GNG12: variants seen among roughly 807,000 people sequenced by gnomAD.
The protein encoded by GNG12 is guanine nucleotide-binding protein G(I)/G(S)/G(O) subunit gamma-12.
For missense variants in GNG12, 69 were observed against 83.8 expected (o/e 0.82, Z 0.69); for synonymous variants, 28 against 29.7 (o/e 0.94, Z 0.19).
chr1:67,818,014 T>C (rs993241367), intron 1 of GNG12, among the ~76,000 whole-genome samples: 1 of 152,142 alleles, frequency 6.6e-6, no homozygotes, highest in Non-Finnish European at 1.5e-5. Flanking sequence ...CTCAAACTCC[T>C]GGGCTCAAGC....
intron 1 of GNG12, among the ~76,000 whole-genome samples, chr1:67,819,742 C>A (rs914426862): frequency 3.3e-5 from 5 of 152,212 alleles, no homozygotes; most frequent in African/African-American, 1.2e-4. Flanking sequence ...TCTTTACACT[C>A]CTACCACAGG....
chr1:67,711,067 C>T (rs1452357757), intron 2 of GNG12, among the ~76,000 whole-genome samples: 1 of 151,546 alleles, frequency 6.6e-6, no homozygotes, highest in Non-Finnish European at 1.5e-5. Flanking sequence ...AAAGTCCCTT[C>T]TCATCTGCTG....
chr1:67,718,587 C>T (rs11576744), intron 2 of GNG12, among the ~76,000 whole-genome samples: 65,215 of 150,714 alleles, frequency 0.43, 15,871 homozygotes, highest in South Asian at 0.56. Context: ...TGACAACCCA[C>T]CCCCACCCCC....
chr1:67,829,001 ATTTT>A (rs550375244), intron 1 of GNG12, among the ~76,000 whole-genome samples: 1 of 152,006 alleles, frequency 6.6e-6, no homozygotes. Flanking sequence ...TATTACGCAA[ATTTT>A]TTTTAGTATT....
At chr1:67,827,448 TG>T (rs1468771478) in intron 1 of GNG12, among the ~76,000 whole-genome samples, 6 of 151,730 alleles carry the variant, frequency 4.0e-5, no homozygotes, top group African/African-American at 7.3e-5. Context: ...TTTTTTAAGA[TG>T]GCATCTTGCT....
rs111278927 is a variant in GNG12 at position 67,760,991 on chromosome 1, T to C, written c.-27+16467A>G. 7.1e-3 allele frequency among the ~76,000 whole-genome samples: 1,080 copies of C among 152,298 alleles called. 12 individuals are homozygous for C. Among genetic ancestry groups the C allele is most frequent in the African/African-American group, 0.025 (1,026 of 41,550 alleles). On this transcript the variant is annotated intron_variant, in intron 2 of 3. Coordinates refer to ENST00000370982, the MANE Select transcript of GNG12 (RefSeq NM_018841.6). ...GCTTTGAAAATGTGCAGGAGAACAT[T>C]TAAGTTGTGGGTAACAAACAGGGCT...
In GNG12 at chr1:67,705,386, CTCT is replaced by C. The variant is rs1570470397; in HGVS notation, c.*62_*64del. 3 of 1,579,422 alleles carry C rather than the reference CTCT, an allele frequency of 1.9e-6. No homozygotes were observed. The East Asian group carries it at 6.8e-5, about 36-fold the overall frequency. ...GTTACCAAATAAGCTGAAGGTAAAT[CTCT>C]TCAAGGAGCTGCTCATAATTTGCGT... On this transcript the variant is annotated 3_prime_UTR_variant, in exon 4 of 4. Coordinates refer to ENST00000370982, the MANE Select transcript of GNG12 (RefSeq NM_018841.6).
At chr1:67,718,531 G>C (rs1646339328) in intron 2 of GNG12, among the ~76,000 whole-genome samples, 2 of 152,166 alleles carry the variant, frequency 1.3e-5, no homozygotes, top group Admixed American at 1.3e-4. Context: ...TTACTAGACA[G>C]TGTGACCTGA....
chr1:67,709,034 C>T (rs1381169479), intron 2 of GNG12, among the ~76,000 whole-genome samples: 24 of 152,214 alleles, frequency 1.6e-4, no homozygotes, highest in Admixed American at 1.4e-3. Flanking sequence ...TCCCAAAGGC[C>T]GAGTTCTACG....
intron 2 of GNG12, among the ~76,000 whole-genome samples, chr1:67,732,994 C>T (rs574880900): frequency 1.3e-5 from 2 of 152,292 alleles, no homozygotes; most frequent in South Asian, 2.1e-4. Flanking sequence ...GTGGCTTACC[C>T]GAGGGAGGGC....
chr1:67,732,785 G>A (rs946961387), intron 2 of GNG12, among the ~76,000 whole-genome samples: 13 of 152,190 alleles, frequency 8.5e-5, no homozygotes, highest in Non-Finnish European at 1.8e-4. Flanking sequence ...ACCCTCAGAC[G>A]AGGCTCTCTC....
At chr1:67,758,183 A>T (rs947968863) in intron 2 of GNG12, among the ~76,000 whole-genome samples, 1 of 152,190 alleles carries the variant, frequency 6.6e-6, no homozygotes, top group Non-Finnish European at 1.5e-5. Flanking sequence ...CATGTTGGCC[A>T]GGCTGGTCTC....
chr1:67,807,510 G>C (rs1646900572), intron 1 of GNG12, among the ~76,000 whole-genome samples: 1 of 150,550 alleles, frequency 6.6e-6, no homozygotes, highest in East Asian at 2.0e-4. Context: ...AAAAAAAATT[G>C]AGAAAAATCA....
intron 1 of GNG12, among the ~76,000 whole-genome samples, chr1:67,786,371 C>G (rs1237051867): frequency 6.6e-6 from 1 of 151,854 alleles, no homozygotes; most frequent in Non-Finnish European, 1.5e-5. Flanking sequence ...AAATTAAGAC[C>G]TAACACTAAA....
chr1:67,809,535 T>G (rs1646911756), intron 1 of GNG12, among the ~76,000 whole-genome samples: 1 of 152,154 alleles, frequency 6.6e-6, no homozygotes, highest in African/African-American at 2.4e-5. Context: ...ACACTTCTGA[T>G]AAAGGACTGT....
At chr1:67,815,219 C>G (rs1186383335) in intron 1 of GNG12, among the ~76,000 whole-genome samples, 2 of 152,190 alleles carry the variant, frequency 1.3e-5, no homozygotes, top group Non-Finnish European at 2.9e-5. Flanking sequence ...TGAATGAGAA[C>G]TTTACAGGTT....
intron 1 of GNG12, among the ~76,000 whole-genome samples, chr1:67,799,606 A>C (rs1300801526): frequency 2.0e-5 from 3 of 152,208 alleles, no homozygotes; most frequent in Non-Finnish European, 4.4e-5. Context: ...AGTACTTCTC[A>C]AACTTTTTGG....
intron 2 of GNG12, among the ~76,000 whole-genome samples, chr1:67,712,166 T>C (rs765218187): frequency 1.3e-5 from 2 of 152,232 alleles, no homozygotes; most frequent in South Asian, 2.1e-4. Flanking sequence ...AGGGTTTTCT[T>C]TGGTCTTCCC....
chr1:67,798,904 A>G (rs1646847556), intron 1 of GNG12, among the ~76,000 whole-genome samples: 2 of 152,108 alleles, frequency 1.3e-5, no homozygotes, highest in South Asian at 4.1e-4. Context: ...CAGTGAGCCG[A>G]GATCATGCCA....
Sources: allele counts gnomAD v4.1 joint callset (sites outside exome capture counted in the v4.1 genomes callset), GRCh38; gene constraint gnomAD v4.1.1; transcripts MANE v1.5; gene names NCBI Gene and HGNC (gene_info 2026-07-23, HGNC 2026-07-21).